Variants in FBXL2 observed in about 807,000 individuals in gnomAD.
FBXL2 encodes the protein F-box/LRR-repeat protein 2.
FBXL2 carries 38 observed loss-of-function variants against 69.2 expected under a neutral mutation model. That is an observed-to-expected ratio of 0.55 (90% CI 0.42 to 0.72). The LOEUF (loss-of-function observed/expected upper bound fraction) is 0.72, where lower values mean the gene tolerates loss of function less well. FBXL2 is among the 30% of genes least tolerant of loss of function. FBXL2 has a pLI of 0.00. For synonymous variants in FBXL2, 192 were observed against 201.3 expected, an observed-to-expected ratio of 0.95 and a Z score of 0.39; for missense variants, 354 against 520.3, an observed-to-expected ratio of 0.68 and a Z score of 3.11.
chr3:33,392,561 ACCTTTT>A, downstream of FBXL2: 1 of 1,610,914 alleles, frequency 6.2e-7, no homozygotes, highest in Admixed American at 1.7e-5. Context: ...CATGCAAAGT[ACCTTTT>A]ACTGTGGAGA....
At chr3:33,278,083 T>G (rs1186445185) in intron 1 of FBXL2, 1 of 150,916 alleles carries the variant, frequency 6.6e-6, no homozygotes. Context: ...AGCTGGAGGG[T>G]TTTTTTTTCT....
intron 2 of FBXL2, among the ~76,000 whole-genome samples, chr3:33,356,246 T>C (rs2041190054): frequency 6.6e-6 from 1 of 152,216 alleles, no homozygotes; most frequent in African/African-American, 2.4e-5. Context: ...ATAAGGAAAC[T>C]GAGGCAAAAT....
intron 2 of FBXL2, among the ~76,000 whole-genome samples, chr3:33,358,485 A>G (rs887792993): frequency 1.5e-4 from 23 of 151,384 alleles, no homozygotes; most frequent in African/African-American, 4.9e-4. Flanking sequence ...GCTTTTGCTT[A>G]GGAAAAACTG....
chr3:33,364,690 C>T lies in FBXL2; in HGVS notation c.261C>T (p.Gly87=), dbSNP rs1249764078. 4 of 1,614,032 alleles carry T rather than the reference C, an allele frequency of 2.5e-6. No individual in the cohort carries two copies. Among genetic ancestry groups the T allele is most frequent in the Non-Finnish European group, 3.4e-6 (4 of 1,179,996 alleles). The change falls in exon 5 of 15, where the codon GGC becomes GGT. Residue 87 remains glycine (G), a synonymous_variant. Coordinates refer to ENST00000484457, the MANE Select transcript of FBXL2 (RefSeq NM_012157.5). ...TCCTGAGGAAGCTCAGCTTGCGAGG[C>T]TGCATTGGTGTTGGGGATTCCTCCT... ...GGFLRKLSLR[G]CIGVGDSSLK... is the part of the protein sequence containing the mutation.
chr3:33,397,214 G>A (rs1337547815), intron 12 of FBXL2: 11 of 1,037,384 alleles, frequency 1.1e-5, no homozygotes, highest in Middle Eastern at 3.2e-4. Context: ...TCTTCATGCA[G>A]TCCAATGTCC....
In FBXL2 at chr3:33,387,611, T is replaced by TCAAAA. The variant is rs200231804; in HGVS notation, c.*2013_*2017dup. 0.013 allele frequency: 1,408 copies of TCAAAA among 112,514 alleles called. 19 individuals are homozygous for TCAAAA. The highest frequency in any genetic ancestry group is 0.048 in the African/African-American group (1,309 of 26,998). 7.0% of individuals were successfully genotyped at this position (112,514 alleles called of 1,614,324 possible). On this transcript the variant is annotated 3_prime_UTR_variant, in exon 15 of 15. Transcript: ENST00000484457. ...ACAACAGTGAGACTCCATCATCATC[T>TCAAAA]CAAAACAAAACAAACAAACAAACAA...
At chr3:33,304,857 C>T (rs1300801444) in intron 2 of FBXL2, among the ~76,000 whole-genome samples, 1 of 151,882 alleles carries the variant, frequency 6.6e-6, no homozygotes, top group Non-Finnish European at 1.5e-5. Context: ...TAGAATGGCA[C>T]CTTATTGTGC....
chr3:33,310,860 C>T (rs749161285), intron 2 of FBXL2, among the ~76,000 whole-genome samples: 29 of 151,922 alleles, frequency 1.9e-4, no homozygotes, highest in Middle Eastern at 3.4e-3. Flanking sequence ...ATGTAACCTC[C>T]GCCTCCTGGG....
chr3:33,408,368 A>T (rs2044484896), downstream of FBXL2, among the ~76,000 whole-genome samples: 1 of 152,200 alleles, frequency 6.6e-6, no homozygotes, highest in East Asian at 1.9e-4. Context: ...CTCTTGAAGG[A>T]GGTGTGTGTG....
At chr3:33,315,296 TTCTC>T (rs71630573) in intron 2 of FBXL2, among the ~76,000 whole-genome samples, 3,959 of 151,540 alleles carry the variant, frequency 0.026, 83 homozygotes, top group Non-Finnish European at 0.042. Context: ...CTTTCTCTGT[TTCTC>T]TCTTTCTCTT....
At chr3:33,362,365 C>T (rs891533194) in intron 4 of FBXL2, among the ~76,000 whole-genome samples, 8 of 152,134 alleles carry the variant, frequency 5.3e-5, no homozygotes, top group African/African-American at 1.7e-4. Context: ...GGTCTTTAGC[C>T]CATTTTAGGG....
chr3:33,363,562 A>T (rs1323406048), intron 4 of FBXL2, among the ~76,000 whole-genome samples: 1 of 152,136 alleles, frequency 6.6e-6, no homozygotes, highest in African/African-American at 2.4e-5. Context: ...TCAGCTGGTG[A>T]TGGTTCTTTA....
At position 33,386,742 on chromosome 3, in the gene FBXL2, C is replaced by T. The variant is rs2043461281; in HGVS notation, c.*1134C>T. 1 of 152,118 alleles carries T rather than the reference C, an allele frequency of 6.6e-6. No homozygotes were observed. The highest frequency in any genetic ancestry group is 2.4e-5 in the African/African-American group (1 of 41,426). The allele number at this position is 152,118 out of a possible 1,614,324, so 9.4% of individuals were successfully genotyped here. On this transcript the variant is annotated 3_prime_UTR_variant, in exon 15 of 15. Coordinates refer to ENST00000484457, the MANE Select transcript of FBXL2 (RefSeq NM_012157.5). ...TTATCTGAAATCTGATAAAATGACC[C>T]TACTCTCTGCTGTGGTTCATTCTTG...
chr3:33,294,490 A>T (rs970074677), intron 1 of FBXL2, among the ~76,000 whole-genome samples: 2 of 152,300 alleles, frequency 1.3e-5, no homozygotes, highest in Non-Finnish European at 2.9e-5. Flanking sequence ...ATCATATGGG[A>T]TGCAATGAAA....
chr3:33,280,623 C>G (rs574241161), intron 1 of FBXL2, among the ~76,000 whole-genome samples: 1 of 149,404 alleles, frequency 6.7e-6, no homozygotes, highest in South Asian at 2.1e-4. Flanking sequence ...GCGGAAGGAT[C>G]GATCCCTTGA....
intron 1 of FBXL2, among the ~76,000 whole-genome samples, chr3:33,279,198 G>C (rs1276124362): frequency 5.9e-5 from 9 of 152,066 alleles, no homozygotes; most frequent in African/African-American, 2.2e-4. Flanking sequence ...GGCTTCCATG[G>C]AAGTGGGGAA....
rs2044199424 is a variant in FBXL2 at position 33,400,837 on chromosome 3, G to GC, written n.1215-2397_1215-2396insC. Reference sequence around the variant, plus strand: ...ATGGACACCCAAAATATCCTGACTCGATTACCACACATTACCATACATGTA... The same window carrying GC: ...ATGGACACCCAAAATATCCTGACTCGCATTACCACACATTACCATACATGTA... On this transcript the variant is annotated intron_variant and non_coding_transcript_variant, in intron 12 of 12. Transcript: ENST00000463736. 9 of 900,030 alleles carry GC rather than the reference G, an allele frequency of 1.0e-5. No individual in the cohort carries two copies. In the South Asian group the frequency reaches 1.3e-4, roughly 13 times the overall value. 55.8% of individuals were successfully genotyped at this position (900,030 alleles called of 1,614,324 possible).
In FBXL2 at chr3:33,378,690, C is replaced by A. The variant is rs377078642; in HGVS notation, c.900C>A (p.Thr300=). 6.2e-7 allele frequency: 1 copy of A among 1,612,590 alleles called. No individual in the cohort carries two copies. The highest frequency in any genetic ancestry group is 1.7e-5 in the Admixed American group (1 of 59,816). The change falls in exon 13 of 15, where the codon ACC becomes ACA. Residue 300 remains threonine (T), a synonymous_variant. Coordinates refer to ENST00000484457, the MANE Select transcript of FBXL2 (RefSeq NM_012157.5). ...CACAGCATGTTTCTCTCCAGATAAC[C>A]GACAGCACACTCATCCAGCTCTCCA... is the stretch of plus-strand genomic sequence containing the variant. ...KMDLEECILI[T]DSTLIQLSIH...
intron 2 of FBXL2, among the ~76,000 whole-genome samples, chr3:33,314,021 CTGA>C (rs1255366709): frequency 6.6e-6 from 1 of 152,096 alleles, no homozygotes; most frequent in Non-Finnish European, 1.5e-5. Context: ...GTTTAAAACT[CTGA>C]TGATGATCTA....
Sources: allele counts gnomAD v4.1 joint callset (sites outside exome capture counted in the v4.1 genomes callset), GRCh38; gene constraint gnomAD v4.1.1; transcripts MANE v1.5; gene names NCBI Gene and HGNC (gene_info 2026-07-23, HGNC 2026-07-21).